The following PTPRC variants were observed in gnomAD, a reference collection of about 807,000 sequenced individuals.
The protein encoded by PTPRC is protein tyrosine phosphatase receptor type C.
A neutral mutation model predicts 155.9 loss-of-function variants in PTPRC; 44 were observed. The observed-to-expected ratio is 0.28, with a 90% CI of 0.22 to 0.36. The LOEUF is 0.36. Ranked by LOEUF, PTPRC falls within the 10% of genes least tolerant of loss-of-function variation. PTPRC has a pLI of 1.00. For synonymous variants in PTPRC, 525 were observed against 533.1 expected, an observed-to-expected ratio of 0.98 and a Z score of 0.21; for missense variants, 1,401 against 1,564.6, an observed-to-expected ratio of 0.90 and a Z score of 1.76.
intron 2 of PTPRC, among the ~76,000 whole-genome samples, chr1:198,656,178 G>C (rs1487229118): frequency 6.6e-6 from 1 of 152,022 alleles, no homozygotes; most frequent in Non-Finnish European, 1.5e-5. Context: ...TTTTTGTCCT[G>C]TAAGAGTTAT....
intron 2 of PTPRC, among the ~76,000 whole-genome samples, chr1:198,671,880 C>T (rs1461744955): frequency 1.3e-5 from 2 of 152,204 alleles, no homozygotes; most frequent in African/African-American, 2.4e-5. Flanking sequence ...TTCACCTCTG[C>T]TTCCATTGCC....
chr1:198,721,162 T>C (rs188387972), intron 14 of PTPRC, among the ~76,000 whole-genome samples: 2 of 152,356 alleles, frequency 1.3e-5, no homozygotes, highest in Admixed American at 1.3e-4. Context: ...TACCTTCTTA[T>C]TATGCTTATT....
chr1:198,696,987 C>A (rs1666236549), intron 4 of PTPRC, 78 bp downstream of exon 4: 1 of 1,302,290 alleles, frequency 7.7e-7, no homozygotes, highest in East Asian at 2.3e-5. Flanking sequence ...TACAACTTGT[C>A]TTTAAATTAT....
At chr1:198,658,599 G>A (rs2102241932) in intron 2 of PTPRC, among the ~76,000 whole-genome samples, 1 of 152,160 alleles carries the variant, frequency 6.6e-6, no homozygotes, top group South Asian at 2.1e-4. Flanking sequence ...CTCTTTTACA[G>A]ACTAATTAAC....
At chr1:198,702,356 G>A (rs1173139358) in intron 5 of PTPRC, 31 bp from the exon 6 acceptor site, 4 of 1,614,190 alleles carry the variant, frequency 2.5e-6, no homozygotes, top group South Asian at 1.1e-5. Context: ...ACAGACACAA[G>A]TGACAGTGCT....
chr1:198,653,968 C>T (rs2102224710), intron 2 of PTPRC, among the ~76,000 whole-genome samples: 1 of 151,934 alleles, frequency 6.6e-6, no homozygotes, highest in South Asian at 2.1e-4. Flanking sequence ...ATGAACTGAA[C>T]ATCTGGATTT....
At chr1:198,643,825 G>T (rs919245522) in intron 2 of PTPRC, among the ~76,000 whole-genome samples, 2 of 151,954 alleles carry the variant, frequency 1.3e-5, no homozygotes. Context: ...GCAATTGCTG[G>T]TTTGAACACT....
intron 2 of PTPRC, among the ~76,000 whole-genome samples, chr1:198,683,093 CTTTA>C (rs975351939): frequency 4.6e-5 from 7 of 152,074 alleles, no homozygotes; most frequent in Admixed American, 6.5e-5. Flanking sequence ...GCTACAAGTT[CTTTA>C]TTTAGCCTTG....
rs144856406 is a variant in PTPRC at position 198,718,255 on chromosome 1, G to A, written c.1612G>A (p.Asp538Asn). ...TAGAAATGAGTCGCATAAGAATTGCGATTTCCGTGTAAAAGATCTTCAATA... is the reference window on the plus strand; with the variant it reads ...TAGAAATGAGTCGCATAAGAATTGCAATTTCCGTGTAAAAGATCTTCAATA... ...LVRNESHKNC[D>N]FRVKDLQYST... is the part of the protein sequence containing the mutation. Residue 538 changes from aspartate to asparagine, a missense_variant, in exon 14 of 33, where the codon GAT becomes AAT. Physicochemically the swap from Asp to Asn is conservative, Grantham distance 23. This residue lies in a region of PTPRC where 867 missense variants were observed against 970.4 expected (regional missense o/e 0.89). Coordinates refer to ENST00000442510, the MANE Select transcript of PTPRC (RefSeq NM_002838.5). 123 of 1,613,972 alleles carry A rather than the reference G, an allele frequency of 7.6e-5. 1 individual carries two copies. In the African/African-American group the frequency reaches 1.1e-3, roughly 15 times the overall value.
intron 20 of PTPRC, among the ~76,000 whole-genome samples, chr1:198,733,434 A>G (rs1654487214): frequency 6.6e-6 from 1 of 151,816 alleles, no homozygotes. Flanking sequence ...ATGCGCAATA[A>G]TGTGTCATGA....
At chr1:198,717,549 G>A (rs1653654018) in intron 13 of PTPRC, among the ~76,000 whole-genome samples, 2 of 152,200 alleles carry the variant, frequency 1.3e-5, no homozygotes, top group African/African-American at 4.8e-5. Context: ...CTGAATATAA[G>A]ACACTTTTAA....
chr1:198,678,088 A>G (rs1015812402), intron 2 of PTPRC, among the ~76,000 whole-genome samples: 1 of 152,236 alleles, frequency 6.6e-6, no homozygotes, highest in Non-Finnish European at 1.5e-5. Flanking sequence ...CATATCTTAC[A>G]GTGAGTTTCA....
intron 22 of PTPRC, 56 bp from the exon 23 acceptor site, chr1:198,735,071 A>G (rs1654565518): frequency 6.9e-7 from 1 of 1,438,922 alleles, no homozygotes; most frequent in African/African-American, 1.4e-5. Flanking sequence ...AGAAAGTTTG[A>G]TAAAAAATTG....
intron 8 of PTPRC, 106 bp from the exon 9 acceptor site, chr1:198,706,628 T>A (rs888788362): frequency 2.4e-6 from 3 of 1,271,542 alleles, no homozygotes; most frequent in Non-Finnish European, 3.3e-6. Flanking sequence ...TTCTTTTTCA[T>A]GTTTTTTGGG....
chr1:198,732,681 C>A, intron 20 of PTPRC, 125 bp downstream of exon 20: 1 of 716,744 alleles, frequency 1.4e-6, no homozygotes, highest in South Asian at 1.8e-5. Flanking sequence ...CTGATATAAA[C>A]AAAAAATTAT....
intron 15 of PTPRC, among the ~76,000 whole-genome samples, chr1:198,723,108 C>T (rs1653969941): frequency 8.6e-6 from 1 of 116,220 alleles, no homozygotes; most frequent in East Asian, 3.1e-4. Context: ...CTTATAGTTT[C>T]CTTCATATAT....
chr1:198,702,668 C>A, intron 6 of PTPRC, 138 bp downstream of exon 6: 4 of 1,131,180 alleles, frequency 3.5e-6, no homozygotes, highest in East Asian at 2.4e-5. Flanking sequence ...GTATCAACAC[C>A]AAATTATGCA....
Position 198,757,313 on chromosome 1 carries a change from T to C in PTPRC, c.*1132T>C, listed in dbSNP as rs891414600. The C allele has an allele frequency of 6.6e-6, 1 of 151,856 alleles. No individual in the cohort carries two copies. Among genetic ancestry groups the C allele is most frequent in the Non-Finnish European group, 1.5e-5 (1 of 67,816 alleles). 9.4% of individuals were successfully genotyped at this position (151,856 alleles called of 1,614,324 possible). A position where few individuals can be genotyped will look rare whatever the true frequency, so the allele number is the denominator to read the frequency against. On this transcript the variant is annotated 3_prime_UTR_variant, in exon 33 of 33. Coordinates refer to ENST00000442510, the MANE Select transcript of PTPRC (RefSeq NM_002838.5). Reference sequence around the variant, plus strand: ...TTGTGTTATATGTTCAAATATGAAATGTGTATGCACCTATTGAAATATGTT... The same window carrying C: ...TTGTGTTATATGTTCAAATATGAAACGTGTATGCACCTATTGAAATATGTT...
Position 198,722,488 on chromosome 1 carries a change from C to T in PTPRC, c.1720+12C>T, listed in dbSNP as rs765552545. The T allele has an allele frequency of 1.4e-6, 2 of 1,413,852 alleles. No individual in the cohort carries two copies. Among genetic ancestry groups the T allele is most frequent in the Non-Finnish European group, 1.9e-6 (2 of 1,060,714 alleles). 87.6% of individuals were successfully genotyped at this position (1,413,852 alleles called of 1,614,324 possible). A position where few individuals can be genotyped will look rare whatever the true frequency, so the allele number is the denominator to read the frequency against. ...TCATTCAACATCTTGTAAGTTATCA[C>T]TGGGCTATTTATTATATATATTAAG... On this transcript the variant is annotated intron_variant, in intron 15 of 32. Coordinates refer to ENST00000442510, the MANE Select transcript of PTPRC (RefSeq NM_002838.5).
Sources: gnomAD v4.1 joint callset for allele counts (sites outside exome capture counted in the v4.1 genomes callset) on GRCh38, gnomAD v4.1.1 for gene constraint, gnomAD v4.1.1 regional missense constraint, MANE v1.5 for transcripts, NCBI Gene and HGNC (gene_info 2026-07-23, HGNC 2026-07-21) for gene names.